The following PDZRN3 variants were observed in gnomAD, a reference collection of about 807,000 sequenced individuals.
PDZRN3 encodes E3 ubiquitin-protein ligase PDZRN3.
A neutral mutation model predicts 85.7 loss-of-function variants in PDZRN3; 38 were observed. The ratio of observed to expected loss-of-function variants is 0.44; its 90% CI spans 0.34 to 0.58. The LOEUF (loss-of-function observed/expected upper bound fraction) is 0.58, where lower values mean the gene tolerates loss of function less well. PDZRN3 is among the 20% of genes least tolerant of loss of function. PDZRN3 has a pLI of 0.01. For missense variants in PDZRN3, 1,629 were observed against 1,506.4 expected (o/e 1.08, Z -1.35); for synonymous variants, 759 against 638.0 (o/e 1.19, Z -2.86).
At chr3:73,535,174 CATGG>C in intron 3 of PDZRN3, among the ~76,000 whole-genome samples, 1 of 152,094 alleles carries the variant, frequency 6.6e-6, no homozygotes, top group Non-Finnish European at 1.5e-5. Context: ...AGGCTAATGA[CATGG>C]AACAGAGCAG....
At chr3:73,546,161 G>C (rs1701418575) in intron 3 of PDZRN3, among the ~76,000 whole-genome samples, 3 of 152,302 alleles carry the variant, frequency 2.0e-5, no homozygotes, top group African/African-American at 7.2e-5. Context: ...ATCAATGAAT[G>C]AATAACTCTG....
At chr3:73,407,450 T>C (rs949933876) in intron 3 of PDZRN3, among the ~76,000 whole-genome samples, 1 of 152,230 alleles carries the variant, frequency 6.6e-6, no homozygotes, top group Non-Finnish European at 1.5e-5. Flanking sequence ...AATAATACAT[T>C]CCTTATACTT....
At chr3:73,489,575 C>CATTTTTTTTTTTTTTTTTTTTT (rs1703730469) in intron 3 of PDZRN3, among the ~76,000 whole-genome samples, 1 of 80,096 alleles carries the variant, frequency 1.2e-5, no homozygotes, top group Non-Finnish European at 2.3e-5. Flanking sequence ...AGTTTCTTTT[C>CATTTTTTTTTTTTTTTTTTTTT]TTTTTTTTTT....
In PDZRN3 at chr3:73,624,703, G is replaced by A; in HGVS notation, c.123C>T (p.Cys41=). Residue 41 remains cysteine (C), a synonymous_variant, in exon 1 of 10, where the codon TGC becomes TGT. Transcript: ENST00000263666. ...CCTCCTGCACCACCCAGGGCAGCAC[G>A]CAGCCGGCGCAGAAGACGTGGCCGC... ...TPCGHVFCAG[C]VLPWVVQEGS... 6.6e-7 allele frequency: 1 copy of A among 1,524,128 alleles called. No individual in the cohort carries two copies. Among genetic ancestry groups the A allele is most frequent in the Non-Finnish European group, 8.8e-7 (1 of 1,142,540 alleles). 94.4% of individuals were successfully genotyped at this position (1,524,128 alleles called of 1,614,324 possible). A position where few individuals can be genotyped will look rare whatever the true frequency, so the allele number is the denominator to read the frequency against.
At chr3:73,581,460 A>G (rs934303525) in intron 3 of PDZRN3, among the ~76,000 whole-genome samples, 7 of 152,206 alleles carry the variant, frequency 4.6e-5, no homozygotes, top group Non-Finnish European at 7.3e-5. Context: ...CTGATTATAA[A>G]GAAATATCTG....
chr3:73,509,320 A>G (rs1473296413), intron 3 of PDZRN3, among the ~76,000 whole-genome samples: 1 of 152,242 alleles, frequency 6.6e-6, no homozygotes, highest in African/African-American at 2.4e-5. Context: ...TGCAACAGGC[A>G]CAGGAAAGGG....
chr3:73,616,726 T>G (rs1029421754), intron 1 of PDZRN3, among the ~76,000 whole-genome samples: 2 of 152,242 alleles, frequency 1.3e-5, no homozygotes, highest in East Asian at 3.9e-4. Context: ...CAGCACTTAA[T>G]AGACAGTCAA....
chr3:73,411,389 A>ATT (rs1701963587), intron 3 of PDZRN3, among the ~76,000 whole-genome samples: 1 of 152,116 alleles, frequency 6.6e-6, no homozygotes, highest in South Asian at 2.1e-4. Context: ...TGGATAACTG[A>ATT]TTTCTCTGTC....
chr3:73,440,662 C>T (rs771741577), intron 3 of PDZRN3, among the ~76,000 whole-genome samples: 6 of 152,190 alleles, frequency 3.9e-5, no homozygotes, highest in Non-Finnish European at 5.9e-5. Flanking sequence ...TTTGTAACCC[C>T]TGAAATGCCT....
intron 3 of PDZRN3, among the ~76,000 whole-genome samples, chr3:73,466,323 A>C (rs1325849778): frequency 7.7e-6 from 1 of 129,284 alleles, no homozygotes; most frequent in Non-Finnish European, 1.6e-5. Context: ...AGAGTGATAG[A>C]AAAAAAAAAA....
intron 5 of PDZRN3, among the ~76,000 whole-genome samples, chr3:73,398,500 C>T (rs780427561): frequency 2.0e-5 from 3 of 152,126 alleles, no homozygotes; most frequent in Non-Finnish European, 4.4e-5. Flanking sequence ...TTCTGTAGTT[C>T]CCACATCTCC....
chr3:73,386,845 C>G (rs924210257), intron 8 of PDZRN3, among the ~76,000 whole-genome samples: 2 of 113,296 alleles, frequency 1.8e-5, no homozygotes, highest in African/African-American at 8.2e-5. Context: ...GCCCCGTATG[C>G]CACTGTCTGT....
intron 3 of PDZRN3, among the ~76,000 whole-genome samples, chr3:73,494,050 C>T (rs1174860432): frequency 6.6e-6 from 1 of 152,190 alleles, no homozygotes; most frequent in Non-Finnish European, 1.5e-5. Flanking sequence ...TTGTATTTTT[C>T]CATTGCTTTA....
chr3:73,498,944 G>A (rs1703922525), intron 3 of PDZRN3, among the ~76,000 whole-genome samples: 2 of 152,138 alleles, frequency 1.3e-5, no homozygotes, highest in South Asian at 4.1e-4. Context: ...GCGGGTCGCT[G>A]GTCAGGCTTG....
intron 5 of PDZRN3, among the ~76,000 whole-genome samples, chr3:73,399,814 A>C (rs1211902737): frequency 6.6e-6 from 1 of 152,228 alleles, no homozygotes; most frequent in Non-Finnish European, 1.5e-5. Context: ...ACTGGCACAG[A>C]GTCAGTCATG....
chr3:73,385,143 T>C (rs1425229393), intron 9 of PDZRN3, among the ~76,000 whole-genome samples: 1 of 152,260 alleles, frequency 6.6e-6, no homozygotes, highest in Non-Finnish European at 1.5e-5. Context: ...GTTCTTGTCC[T>C]CAGTTTTGTA....
chr3:73,434,542 C>A (rs1351107429), intron 3 of PDZRN3, among the ~76,000 whole-genome samples: 1 of 152,136 alleles, frequency 6.6e-6, no homozygotes, highest in African/African-American at 2.4e-5. Context: ...GATAATCATT[C>A]CCCAAATGCA....
intron 1 of PDZRN3, among the ~76,000 whole-genome samples, chr3:73,615,282 T>A (rs1397481595): frequency 6.6e-6 from 1 of 152,230 alleles, no homozygotes; most frequent in Admixed American, 6.5e-5. Context: ...TTCCACGAGC[T>A]TGATTTCAAA....
chr3:73,526,979 G>T (rs1485637935), intron 3 of PDZRN3, among the ~76,000 whole-genome samples: 1 of 152,100 alleles, frequency 6.6e-6, no homozygotes, highest in Non-Finnish European at 1.5e-5. Flanking sequence ...CTCCTGGGTA[G>T]CTGGGATTAC....
Sources: gnomAD v4.1 joint callset for allele counts (sites outside exome capture counted in the v4.1 genomes callset) on GRCh38, gnomAD v4.1.1 for gene constraint, MANE v1.5 for transcripts, NCBI Gene and HGNC (gene_info 2026-07-23, HGNC 2026-07-21) for gene names.